The following SLCO1A2 variants were observed in gnomAD, a reference collection of about 807,000 sequenced individuals.
SLCO1A2 encodes OATP-1.
SLCO1A2 carries 67 observed loss-of-function variants against 69.0 expected under a neutral mutation model. The ratio of observed to expected loss-of-function variants is 0.97; its 90% CI spans 0.80 to 1.19. SLCO1A2 has a LOEUF of 1.19. Among genes scored for constraint, SLCO1A2 ranks in the 50% most tolerant of loss-of-function variants. The pLI is 0.00. For synonymous variants in SLCO1A2, 260 were observed against 265.9 expected (o/e 0.98, Z 0.22); for missense variants, 787 against 793.7 (o/e 0.99, Z 0.10).
In SLCO1A2 at chr12:21,341,516, TTTC is replaced by T. The variant is rs1223801032; in HGVS notation, c.-62-6810_-62-6808del. On this transcript the variant is annotated intron_variant, in intron 2 of 15. Transcript: ENST00000307378. ...TTGACTACTTCAGGTTTTGGTATGT[TTTC>T]TTGTTTCTCTAATTATTGTATTTTG... 7.2e-5 allele frequency among the ~76,000 whole-genome samples: 11 copies of T among 152,190 alleles called. No individual in the cohort carries two copies. In the East Asian group the frequency reaches 2.1e-3, roughly 29 times the overall value.
intron 1 of SLCO1A2, among the ~76,000 whole-genome samples, chr12:21,400,863 T>C (rs1941671427): frequency 8.5e-6 from 1 of 117,474 alleles, no homozygotes; most frequent in African/African-American, 3.4e-5. Context: ...AATATCACAC[T>C]CTGGGGACTG....
chr12:21,321,410 G>A (rs979885892), intron 2 of SLCO1A2, among the ~76,000 whole-genome samples: 1 of 152,128 alleles, frequency 6.6e-6, no homozygotes, highest in Admixed American at 6.5e-5. Context: ...CTCTAGCCTT[G>A]TCTACCTCCA....
intron 4 of SLCO1A2, among the ~76,000 whole-genome samples, chr12:21,312,389 A>G (rs766605036): frequency 1.3e-5 from 2 of 152,198 alleles, no homozygotes; most frequent in African/African-American, 2.4e-5. Flanking sequence ...GGCTGGCTTA[A>G]TCTTCTGTTC....
rs1938663068 is a variant in SLCO1A2 at position 21,359,665 on chromosome 12, T to C, written c.-63+14734A>G. Among the ~76,000 whole-genome samples the C allele has an allele frequency of 2.0e-5, 3 of 151,424 alleles. No individual in the cohort carries two copies. The South Asian group carries it at 6.3e-4, about 32-fold the overall frequency. On this transcript the variant is annotated intron_variant, in intron 2 of 15. Coordinates refer to the SLCO1A2 transcript ENST00000307378. ...GGGAGGCTGAGGCAGGAGAATGGCATGAACCCAGGAGGCAGAGCTTGCAGT... is the reference window on the plus strand; with the variant it reads ...GGGAGGCTGAGGCAGGAGAATGGCACGAACCCAGGAGGCAGAGCTTGCAGT...
At chr12:21,381,583 G>C (rs758180499) in intron 1 of SLCO1A2, among the ~76,000 whole-genome samples, 2 of 152,050 alleles carry the variant, frequency 1.3e-5, no homozygotes, top group African/African-American at 2.4e-5. Flanking sequence ...AGATCATGAG[G>C]TCAGGAGATG....
intron 12 of SLCO1A2, among the ~76,000 whole-genome samples, chr12:21,289,011 AATT>A (rs531285032): frequency 4.5e-4 from 68 of 152,006 alleles, no homozygotes; most frequent in Middle Eastern, 3.4e-3. Flanking sequence ...TGATAATCAC[AATT>A]ATTTACAAGC....
chr12:21,401,730 C>G (rs912877234), intron 1 of SLCO1A2, among the ~76,000 whole-genome samples: 2 of 151,480 alleles, frequency 1.3e-5, no homozygotes, highest in Non-Finnish European at 3.0e-5. Flanking sequence ...AAAAGATGAT[C>G]GGTACCTGAC....
chr12:21,305,798 C>T (rs1949295320), intron 5 of SLCO1A2, among the ~76,000 whole-genome samples: 2 of 152,210 alleles, frequency 1.3e-5, no homozygotes, highest in Admixed American at 1.3e-4. Context: ...ATTTTTGAAA[C>T]TGTTTTGGTT....
intron 4 of SLCO1A2, 101 bp from the exon 5 acceptor site, chr12:21,307,089 T>C: frequency 1.4e-6 from 1 of 707,942 alleles, no homozygotes. Context: ...CAACACAATA[T>C]CCAAATCCAG....
intron 2 of SLCO1A2, chr12:21,319,512 G>A: frequency 7.5e-7 from 1 of 1,326,354 alleles, no homozygotes; most frequent in Non-Finnish European, 1.0e-6. Flanking sequence ...TGCAACCCTT[G>A]AGCTCAGCAA....
At chr12:21,312,851 A>G (rs1950393223) in intron 4 of SLCO1A2, among the ~76,000 whole-genome samples, 2 of 152,120 alleles carry the variant, frequency 1.3e-5, no homozygotes, top group Admixed American at 1.3e-4. Context: ...AGGCAGGCGC[A>G]TTGCTTGAAC....
At chr12:21,416,242 T>A (rs2137212228) in intron 1 of SLCO1A2, among the ~76,000 whole-genome samples, 1 of 152,212 alleles carries the variant, frequency 6.6e-6, no homozygotes, top group East Asian at 1.9e-4. Flanking sequence ...ACCTTGGAAA[T>A]ATTGGCTAAT....
In SLCO1A2 at chr12:21,265,198, G is replaced by A. The variant is rs1304862973; in HGVS notation, c.*4350C>T. 1 of 152,226 alleles carries A rather than the reference G, an allele frequency of 6.6e-6. No individual in the cohort carries two copies. The highest frequency in any genetic ancestry group is 6.6e-5 in the Admixed American group (1 of 15,254). The allele number at this position is 152,226 out of a possible 1,614,324, so 9.4% of individuals were successfully genotyped here. A position where few individuals can be genotyped will look rare whatever the true frequency, so the allele number is the denominator to read the frequency against. On this transcript the variant is annotated 3_prime_UTR_variant, in exon 15 of 15. Transcript: ENST00000683939. ...GAATTCATGTGTTTTTCCGTAAGTT[G>A]TTTTCACCTGCTACCATTACAGACT...
chr12:21,396,499 T>G (rs896603748), upstream of SLCO1A2, among the ~76,000 whole-genome samples: 7 of 148,770 alleles, frequency 4.7e-5, no homozygotes, highest in Admixed American at 6.7e-5. Context: ...AGGCCAACGT[T>G]CAGATTCAGG....
At chr12:21,312,100 A>G (rs1950292603) in intron 4 of SLCO1A2, among the ~76,000 whole-genome samples, 1 of 151,870 alleles carries the variant, frequency 6.6e-6, no homozygotes. Flanking sequence ...GAAGGAGAAG[A>G]AGAAGAAGGC....
chr12:21,286,107 A>T (rs750257350), intron 12 of SLCO1A2, among the ~76,000 whole-genome samples: 4,531 of 149,874 alleles, frequency 0.03, 56 homozygotes, highest in Middle Eastern at 0.048. Flanking sequence ...TATCTAGAAA[A>T]CCCCATTGTC....
intron 12 of SLCO1A2, among the ~76,000 whole-genome samples, chr12:21,289,753 TAA>T (rs35667496): frequency 0.066 from 9,443 of 143,244 alleles, 971 homozygotes; most frequent in African/African-American, 0.22. Flanking sequence ...AAGCCCAGGG[TAA>T]AAAAAAAAAA....
intron 1 of SLCO1A2, among the ~76,000 whole-genome samples, chr12:21,408,136 T>G (rs147596647): frequency 1.6e-4 from 25 of 152,236 alleles, no homozygotes; most frequent in African/African-American, 5.8e-4. Flanking sequence ...TCTGGTAAAT[T>G]TTTACACAAA....
intron 14 of SLCO1A2, chr12:21,274,267 A>G (rs1943398360): frequency 2.1e-6 from 1 of 484,204 alleles, no homozygotes; most frequent in East Asian, 3.2e-5. Context: ...GTATGCTTAT[A>G]TTTACCAAGC....
Sources: allele counts gnomAD v4.1 joint callset (sites outside exome capture counted in the v4.1 genomes callset), GRCh38; gene constraint gnomAD v4.1.1; transcripts MANE v1.5; gene names NCBI Gene and HGNC (gene_info 2026-07-23, HGNC 2026-07-21).